ADGRL3: variants seen among roughly 807,000 people sequenced by gnomAD.
The protein encoded by ADGRL3 is calcium-independent alpha-latrotoxin receptor 3.
Under a neutral mutation model 153.5 loss-of-function variants are expected in ADGRL3, and 62 were observed. The observed-to-expected ratio is 0.40, with a 90% confidence interval of 0.33 to 0.50. The LOEUF is 0.50. Among genes scored for constraint, ADGRL3 ranks in the 20% least tolerant of loss-of-function variants. ADGRL3 has a pLI of 0.47. For synonymous variants in ADGRL3, 710 were observed against 672.5 expected (o/e 1.06, Z -0.86); for missense variants, 1,641 against 1,859.4 (o/e 0.88, Z 2.16).
At chr4:61,270,064 T>A (rs959130603) in intron 1 of ADGRL3, among the ~76,000 whole-genome samples, 1 of 151,752 alleles carries the variant, frequency 6.6e-6, no homozygotes. Context: ...CTTGTTTAAA[T>A]GTATTTATTA....
chr4:61,583,840 A>T, intron 4 of ADGRL3: 1 of 481,158 alleles, frequency 2.1e-6, no homozygotes, highest in Admixed American at 2.1e-5. Context: ...CATGGAATAA[A>T]AGTGGTAAGG....
intron 1 of ADGRL3, among the ~76,000 whole-genome samples, chr4:61,267,951 T>G (rs1405765940): frequency 6.6e-6 from 1 of 151,546 alleles, no homozygotes; most frequent in Non-Finnish European, 1.5e-5. Flanking sequence ...ATCAAGTAAG[T>G]TTTATGGAAG....
chr4:61,496,858 G>A (rs2098324794), intron 2 of ADGRL3, among the ~76,000 whole-genome samples: 1 of 151,300 alleles, frequency 6.6e-6, no homozygotes, highest in Non-Finnish European at 1.5e-5. Context: ...GGAGAATGGC[G>A]TGAACCCGGG....
chr4:61,390,344 C>T (rs1165256512), intron 2 of ADGRL3, among the ~76,000 whole-genome samples: 1 of 152,004 alleles, frequency 6.6e-6, no homozygotes, highest in African/African-American at 2.4e-5. Flanking sequence ...GTGTCTAATC[C>T]ACGGCATTGA....
chr4:61,994,457 A>G (rs989560898), intron 19 of ADGRL3, among the ~76,000 whole-genome samples: 2 of 151,404 alleles, frequency 1.3e-5, no homozygotes, highest in Non-Finnish European at 2.9e-5. Context: ...TAGCCTCTTC[A>G]TTGTTTTAAA....
intron 1 of ADGRL3, among the ~76,000 whole-genome samples, chr4:61,279,126 A>G (rs1428161255): frequency 6.6e-6 from 1 of 152,204 alleles, no homozygotes; most frequent in African/African-American, 2.4e-5. Context: ...ATATTGCATT[A>G]TGTGATAATG....
At chr4:61,326,053 T>C (rs999937152) in intron 1 of ADGRL3, among the ~76,000 whole-genome samples, 26 of 152,138 alleles carry the variant, frequency 1.7e-4, no homozygotes, top group African/African-American at 6.0e-4. Flanking sequence ...CCCAGGTGTG[T>C]TTGATTCCAA....
intron 2 of ADGRL3, among the ~76,000 whole-genome samples, chr4:61,401,748 G>T (rs567087651): frequency 6.6e-6 from 1 of 152,096 alleles, no homozygotes; most frequent in South Asian, 2.1e-4. Flanking sequence ...TCCCAATGTG[G>T]TTCAAAAACC....
intron 6 of ADGRL3, among the ~76,000 whole-genome samples, chr4:61,705,277 C>T (rs1012136190): frequency 1.3e-5 from 2 of 151,904 alleles, no homozygotes; most frequent in Admixed American, 6.6e-5. Flanking sequence ...ATTGTGTTAG[C>T]AGGAATGAAA....
At chr4:61,228,971 C>A (rs7438163) in intron 1 of ADGRL3, among the ~76,000 whole-genome samples, 3 of 151,996 alleles carry the variant, frequency 2.0e-5, no homozygotes, top group Non-Finnish European at 4.4e-5. Context: ...GAATTACAGG[C>A]GTGAGCCACC....
At chr4:61,500,221 A>G (rs1426982841) in intron 3 of ADGRL3, among the ~76,000 whole-genome samples, 2 of 152,198 alleles carry the variant, frequency 1.3e-5, no homozygotes. Context: ...TGAGTTTTGA[A>G]CCATAGAGGA....
intron 17 of ADGRL3, among the ~76,000 whole-genome samples, chr4:61,953,762 G>A (rs573563267): frequency 6.6e-6 from 1 of 152,300 alleles, no homozygotes; most frequent in East Asian, 1.9e-4. Context: ...GGAGTCCTCA[G>A]AGAGGGCTTA....
At chr4:61,668,805 C>A (rs977150236) in intron 5 of ADGRL3, among the ~76,000 whole-genome samples, 1 of 152,062 alleles carries the variant, frequency 6.6e-6, no homozygotes, top group Non-Finnish European at 1.5e-5. Flanking sequence ...ATTGCTTGAG[C>A]CCAGGAGTTT....
intron 1 of ADGRL3, among the ~76,000 whole-genome samples, chr4:61,329,566 C>G (rs1331335992): frequency 6.6e-6 from 1 of 152,068 alleles, no homozygotes; most frequent in African/African-American, 2.4e-5. Context: ...TTGGCAGCTA[C>G]ACAAAAATAA....
chr4:61,804,645 G>C (rs1320574094), intron 8 of ADGRL3, among the ~76,000 whole-genome samples: 2 of 152,120 alleles, frequency 1.3e-5, no homozygotes, highest in Non-Finnish European at 2.9e-5. Context: ...GGTATTGAAA[G>C]ACCTCATTCT....
At chr4:61,811,300 A>T (rs1465443905) in intron 8 of ADGRL3, among the ~76,000 whole-genome samples, 1 of 152,118 alleles carries the variant, frequency 6.6e-6, no homozygotes. Flanking sequence ...TTTAGGAAAA[A>T]GGAGTAAAGT....
chr4:61,497,211 G>T lies in ADGRL3; in HGVS notation c.-83G>T. 2.5e-6 allele frequency: 2 copies of T among 792,164 alleles called. No individual in the cohort carries two copies. Among genetic ancestry groups the T allele is most frequent in the South Asian group, 1.7e-5 (1 of 60,132 alleles). 49.1% of individuals were successfully genotyped at this position (792,164 alleles called of 1,614,324 possible). ...GAAAAATCATCAGTCTTGGAATACA[G>T]AAGAGAAACTAGAAATATACGTATT... On this transcript the variant is annotated 5_prime_UTR_variant, in exon 3 of 27. Transcript: ENST00000683033.
At chr4:61,414,320 G>A (rs187027204) in intron 2 of ADGRL3, among the ~76,000 whole-genome samples, 92 of 152,204 alleles carry the variant, frequency 6.0e-4, no homozygotes, top group African/African-American at 2.0e-3. Context: ...CTTCTCAAAC[G>A]TAAGATACAT....
intron 8 of ADGRL3, among the ~76,000 whole-genome samples, chr4:61,798,459 T>C (rs1033288415): frequency 6.6e-6 from 1 of 152,182 alleles, no homozygotes; most frequent in African/African-American, 2.4e-5. Context: ...CTGACTGCCA[T>C]TAAATGCAGA....
Sources: gnomAD v4.1 joint callset for allele counts (sites outside exome capture counted in the v4.1 genomes callset) on GRCh38, gnomAD v4.1.1 for gene constraint, MANE v1.5 for transcripts, NCBI Gene and HGNC (gene_info 2026-07-23, HGNC 2026-07-21) for gene names.